The following CEP55 variants were observed in gnomAD, a reference collection of about 807,000 sequenced individuals.
CEP55 encodes the protein centrosomal protein 55.
In CEP55, 57 loss-of-function variants were observed where a neutral mutation model predicts 63.2. The ratio of observed to expected loss-of-function variants is 0.90; its 90% CI spans 0.73 to 1.13. The LOEUF (loss-of-function observed/expected upper bound fraction) is 1.13, where lower values mean the gene tolerates loss of function less well. Among genes scored for constraint, CEP55 ranks in the 50% most tolerant of loss-of-function variants. The pLI is 0.00. For synonymous variants in CEP55, 178 were observed against 191.6 expected (o/e 0.93, Z 0.59); for missense variants, 456 against 518.9 (o/e 0.88, Z 1.18).
chr10:93,527,890 A>AG, intron 8 of CEP55, 60 bp from the exon 9 acceptor site: 1 of 1,493,914 alleles, frequency 6.7e-7, no homozygotes. Context: ...AAAAAAGAAA[A>AG]AAAAAAAGCT....
At chr10:93,520,142 G>C in intron 8 of CEP55, 1 of 312,904 alleles carries the variant, frequency 3.2e-6, no homozygotes, top group Middle Eastern at 1.1e-3. Flanking sequence ...AAAAAAGAAA[G>C]AAAGGCTGGG....
intron 1 of CEP55, among the ~76,000 whole-genome samples, chr10:93,499,049 C>T (rs2057604449): frequency 6.6e-6 from 1 of 152,100 alleles, no homozygotes; most frequent in South Asian, 2.1e-4. Flanking sequence ...TTTTTGCCTG[C>T]TAAAGTTTAT....
Position 93,517,257 on chromosome 10 carries a change from A to T in CEP55, c.993+9A>T. 1.5e-5 allele frequency: 23 copies of T among 1,572,628 alleles called. No individual in the cohort carries two copies. Among genetic ancestry groups the T allele is most frequent in the Non-Finnish European group, 2.0e-5 (23 of 1,160,590 alleles). On this transcript the variant is annotated intron_variant, in intron 6 of 8. Coordinates refer to ENST00000371485, the MANE Select transcript of CEP55 (RefSeq NM_018131.5). ...AAGAGCTCTTATCTCAGGTAAACTT[A>T]ACCAGATCCATAATTCAGAGTGTTC...
chr10:93,498,533 G>C (rs569035346), intron 1 of CEP55, among the ~76,000 whole-genome samples: 17 of 152,162 alleles, frequency 1.1e-4, no homozygotes, highest in African/African-American at 2.9e-4. Context: ...CCTTATAATG[G>C]CAAAAATCCA....
At chr10:93,497,985 G>T (rs987058415) in intron 1 of CEP55, among the ~76,000 whole-genome samples, 1 of 152,018 alleles carries the variant, frequency 6.6e-6, no homozygotes, top group African/African-American at 2.4e-5. Flanking sequence ...AGCCAGGCGT[G>T]GTGACGCGCA....
Position 93,528,936 on chromosome 10 carries a change from C to G in CEP55, c.*783C>G, listed in dbSNP as rs188965147. ...TTAGTTATTTTTGGCATTCTTAAAG[C>G]TGGGCAATGTAATGATCAGATCTTT... On this transcript the variant is annotated 3_prime_UTR_variant, in exon 9 of 9. Transcript: ENST00000371485. 2.0e-4 allele frequency: 31 copies of G among 152,136 alleles called. No homozygotes were observed. Among genetic ancestry groups the G allele is most frequent in the Non-Finnish European group, 1.9e-4 (13 of 68,032 alleles). The allele number at this position is 152,136 out of a possible 1,614,324, so 9.4% of individuals were successfully genotyped here.
At chr10:93,507,806 G>A (rs1207962262) in intron 4 of CEP55, among the ~76,000 whole-genome samples, 1 of 149,946 alleles carries the variant, frequency 6.7e-6, no homozygotes, top group African/African-American at 2.5e-5. Context: ...CCACCACCAC[G>A]CCCGGCTAAT....
intron 4 of CEP55, among the ~76,000 whole-genome samples, chr10:93,507,396 A>G (rs1283569030): frequency 2.0e-5 from 3 of 151,502 alleles, no homozygotes; most frequent in African/African-American, 4.9e-5. Context: ...AAGTTTTTGT[A>G]TTTTTAGTAG....
intron 4 of CEP55, among the ~76,000 whole-genome samples, chr10:93,508,981 A>G (rs1383314754): frequency 6.6e-6 from 1 of 152,210 alleles, no homozygotes; most frequent in East Asian, 1.9e-4. Flanking sequence ...GTACATTGCT[A>G]TATCCTCAGT....
chr10:93,505,170 A>T (rs1034716418), intron 3 of CEP55, among the ~76,000 whole-genome samples: 1 of 152,186 alleles, frequency 6.6e-6, no homozygotes, highest in Non-Finnish European at 1.5e-5. Context: ...ACTCGTATTG[A>T]TTTCTTTATT....
At chr10:93,520,055 T>C (rs1187884534) in intron 8 of CEP55, 3 of 501,464 alleles carry the variant, frequency 6.0e-6, no homozygotes, top group South Asian at 2.1e-5. Flanking sequence ...AGGCACTAAA[T>C]AGTGCCTGAG....
In CEP55 at chr10:93,515,468, C is replaced by T; in HGVS notation, c.592C>T (p.Leu198Phe). 6 of 1,613,764 alleles carry T rather than the reference C, an allele frequency of 3.7e-6. No individual in the cohort carries two copies. The highest frequency in any genetic ancestry group is 5.1e-6 in the Non-Finnish European group (6 of 1,179,768). Residue 198 changes from leucine to phenylalanine, a missense_variant, in exon 5 of 9, where the codon CTT becomes TTT. Transcript: ENST00000371485. The part of the protein sequence containing the change: ...DQQREVYVKG[L>F]LAKIFELEKK... Reference sequence around the variant, plus strand: ...GCAGCGGGAAGTCTATGTAAAAGGACTTTTAGCAAAGATCTTTGAGTTGGA... The same window carrying T: ...GCAGCGGGAAGTCTATGTAAAAGGATTTTTAGCAAAGATCTTTGAGTTGGA...
At position 93,515,535 on chromosome 10, in the gene CEP55, C is replaced by G; in HGVS notation, c.659C>G (p.Thr220Arg). The change falls in exon 5 of 9, where the codon ACA becomes AGA. Residue 220 changes from threonine (T) to arginine (R), a missense_variant. Thr to Arg is a moderately conservative substitution (Grantham distance 71). Transcript: ENST00000371485. ...ETAAHSLPQQ[T>R]KKPESEGYLQ... The stretch of plus-strand genomic sequence containing the variant: ...GCTGCTCATTCACTCCCACAGCAGA[C>G]AAAAAAGCCTGAATCAGAAGGTACT... The G allele has an allele frequency of 6.2e-7, 1 of 1,611,568 alleles. No individual in the cohort carries two copies. The highest frequency in any genetic ancestry group is 8.5e-7 in the Non-Finnish European group (1 of 1,178,436).
intron 2 of CEP55, among the ~76,000 whole-genome samples, chr10:93,502,391 C>T (rs2057644315): frequency 6.6e-6 from 1 of 152,174 alleles, no homozygotes; most frequent in African/African-American, 2.4e-5. Flanking sequence ...CTTAAATTTT[C>T]CCCATTTTAT....
intron 8 of CEP55, among the ~76,000 whole-genome samples, chr10:93,526,038 A>G (rs1053568847): frequency 1.3e-5 from 2 of 152,216 alleles, no homozygotes; most frequent in South Asian, 2.1e-4. Context: ...CAAGGACTTC[A>G]TGTCTAAAAC....
chr10:93,509,683 G>A (rs1407246479), intron 4 of CEP55, among the ~76,000 whole-genome samples: 1 of 151,896 alleles, frequency 6.6e-6, no homozygotes, highest in Admixed American at 6.6e-5. Context: ...ACAGGGTTTC[G>A]CCATGTTGGC....
intron 2 of CEP55, among the ~76,000 whole-genome samples, chr10:93,502,859 C>A (rs945853704): frequency 2.6e-5 from 4 of 152,192 alleles, no homozygotes; most frequent in African/African-American, 9.7e-5. Flanking sequence ...GGTGGTTTCT[C>A]CTTTCTTTGT....
chr10:93,500,992 A>G (rs2057629877), intron 2 of CEP55, among the ~76,000 whole-genome samples: 1 of 152,180 alleles, frequency 6.6e-6, no homozygotes, highest in Non-Finnish European at 1.5e-5. Context: ...CTGGGCTTAT[A>G]TCTCTTTTTT....
At chr10:93,521,062 T>C (rs1564768687) in intron 8 of CEP55, among the ~76,000 whole-genome samples, 4 of 152,112 alleles carry the variant, frequency 2.6e-5, no homozygotes, top group African/African-American at 9.7e-5. Context: ...TTTCTGCATT[T>C]CCAACTGAGG....
Sources: gnomAD v4.1 joint callset for allele counts (sites outside exome capture counted in the v4.1 genomes callset) on GRCh38, gnomAD v4.1.1 for gene constraint, MANE v1.5 for transcripts, NCBI Gene and HGNC (gene_info 2026-07-23, HGNC 2026-07-21) for gene names.